COL4A5: variants seen among roughly 807,000 people sequenced by gnomAD.
COL4A5 encodes the protein collagen type IV alpha 5 chain, also known as collagen alpha-5(IV) chain.
In COL4A5, 26 loss-of-function variants were observed where a neutral mutation model predicts 130.2. The ratio of observed to expected loss-of-function variants is 0.20; its 90% CI spans 0.15 to 0.28. COL4A5 has a LOEUF of 0.28. Ranked by LOEUF, COL4A5 falls within the 10% of genes least tolerant of loss-of-function variation. COL4A5 has a pLI of 1.00. For missense variants in COL4A5, 1,131 were observed against 1,344.3 expected (o/e 0.84, Z 2.48); for synonymous variants, 496 against 439.6 (o/e 1.13, Z -1.60).
intron 1 of COL4A5, among the ~76,000 whole-genome samples, chrX:108,488,703 G>C (rs1020455064): frequency 3.6e-5 from 4 of 111,950 alleles, no homozygotes; most frequent in Admixed American, 2.8e-4. Context: ...TTAAGATCCT[G>C]TGATATTTAT....
At chrX:108,625,613 A>G in intron 34 of COL4A5, 92 bp from the exon 35 acceptor site, 3 of 562,924 alleles carry the variant, frequency 5.3e-6, no homozygotes, top group Non-Finnish European at 9.4e-6. Context: ...ATCTAATCCC[A>G]TGTTTGCATT....
At chrX:108,547,877 C>T (rs745403023) in intron 2 of COL4A5, among the ~76,000 whole-genome samples, 4 of 111,881 alleles carry the variant, frequency 3.6e-5, no homozygotes, top group African/African-American at 6.5e-5. Context: ...TAGCAATGAG[C>T]GAGGCTCCGT....
At chrX:108,534,058 A>T (rs73526229) in intron 1 of COL4A5, among the ~76,000 whole-genome samples, 7,953 of 109,709 alleles carry the variant, frequency 0.072, 758 homozygotes, top group African/African-American at 0.25. Context: ...TGGCAAGGAT[A>T]AAAAAAATAA....
At position 108,583,010 on chromosome X, in the gene COL4A5, G is replaced by A. The variant is rs2066275907; in HGVS notation, c.990+73G>A. ...AATCCTTTTCTTCTCCCAGGCTTGA[G>A]TTATAAATGGAAAAAGTCTACATAA... On this transcript the variant is annotated intron_variant, in intron 17 of 52. Transcript: ENST00000328300. 4 of 842,342 alleles carry A rather than the reference G, an allele frequency of 4.7e-6. No homozygotes were observed. The Admixed American group carries it at 8.9e-5, about 19-fold the overall frequency. 69.4% of individuals were successfully genotyped at this position (842,342 alleles called of 1,213,427 possible).
At chrX:108,480,216 T>C (rs2064875501) in intron 1 of COL4A5, among the ~76,000 whole-genome samples, 1 of 112,157 alleles carries the variant, frequency 8.9e-6, no homozygotes, top group African/African-American at 3.2e-5. Context: ...CCACTAGGCG[T>C]TGTGCCTCTT....
chrX:108,546,393 T>G (rs1330386434), intron 2 of COL4A5, among the ~76,000 whole-genome samples: 2 of 111,922 alleles, frequency 1.8e-5, no homozygotes, highest in Non-Finnish European at 3.8e-5. Context: ...GATATGAAAT[T>G]CTGGGTTGAA....
chrX:108,454,187 A>G (rs2064558278), intron 1 of COL4A5, among the ~76,000 whole-genome samples: 1 of 112,457 alleles, frequency 8.9e-6, no homozygotes, highest in South Asian at 3.7e-4. Context: ...CAAAACTTAG[A>G]ATCAATGGGT....
At position 108,640,126 on chromosome X, in the gene COL4A5, G is replaced by T. The variant is rs751574087; in HGVS notation, c.3246+13777G>T. On this transcript the variant is annotated intron_variant, in intron 36 of 52. Transcript: ENST00000328300. ...AGCAACATTATTCACAAGTCACAAG[G>T]TGGAAGCATCCCAAATGTCCATTGA... Among the ~76,000 whole-genome samples, 4 of 112,122 alleles carry T rather than the reference G, an allele frequency of 3.6e-5. No homozygotes were observed. The East Asian group carries it at 1.1e-3, about 31-fold the overall frequency.
At chrX:108,462,094 C>A (rs1034596006) in intron 1 of COL4A5, among the ~76,000 whole-genome samples, 19 of 111,177 alleles carry the variant, frequency 1.7e-4, no homozygotes, top group Non-Finnish European at 9.4e-5. Context: ...CTTAAAAATG[C>A]AACATTAGCT....
Position 108,595,536 on chromosome X carries a change from G to C in COL4A5, c.1451G>C (p.Cys484Ser). 8.3e-7 allele frequency: 1 copy of C among 1,212,013 alleles called. No homozygotes were observed. The highest frequency in any genetic ancestry group is 1.1e-6 in the Non-Finnish European group (1 of 895,497). Residue 484 changes from cysteine to serine, a missense_variant, in exon 22 of 53, where the codon TGC becomes TCC. Cys to Ser is a moderately radical substitution (Grantham distance 112). Coordinates refer to ENST00000328300, the MANE Select transcript of COL4A5 (RefSeq NM_033380.3). ...GACAAAGGTGACACTTGCTTCAACT[G>C]CATTGGAACTGGTATTTCAGGGCCT... is the stretch of plus-strand genomic sequence containing the variant. The part of the protein sequence containing the change: ...KGDKGDTCFN[C>S]IGTGISGPPG...
intron 1 of COL4A5, among the ~76,000 whole-genome samples, chrX:108,511,670 A>C (rs1041578740): frequency 1.8e-5 from 2 of 111,990 alleles, no homozygotes; most frequent in Admixed American, 9.5e-5. Flanking sequence ...TTTATAGTCA[A>C]TTGTTTTTCA....
At chrX:108,687,921 G>T (rs2068579894) in intron 49 of COL4A5, among the ~76,000 whole-genome samples, 2 of 111,800 alleles carry the variant, frequency 1.8e-5, no homozygotes, top group Admixed American at 1.9e-4. Flanking sequence ...TACAATTCTT[G>T]GCCTAAAGCA....
At chrX:108,459,855 A>G (rs1473959957) in intron 1 of COL4A5, among the ~76,000 whole-genome samples, 1 of 112,312 alleles carries the variant, frequency 8.9e-6, no homozygotes, top group Non-Finnish European at 1.9e-5. Context: ...CCATAGTTTT[A>G]ATTTACTATT....
chrX:108,582,408 CA>C (rs2066265831), intron 16 of COL4A5: 1 of 114,376 alleles, frequency 8.7e-6, no homozygotes, highest in South Asian at 3.5e-4. Flanking sequence ...GGCAGCCTTG[CA>C]AATAGCCTTC....
intron 36 of COL4A5, among the ~76,000 whole-genome samples, chrX:108,645,867 G>C (rs1333197350): frequency 9.1e-6 from 1 of 109,666 alleles, no homozygotes; most frequent in East Asian, 2.9e-4. Flanking sequence ...TGCTGAGAAT[G>C]GTAGTCTCCA....
At chrX:108,671,658 T>A (rs774669091) in intron 42 of COL4A5, among the ~76,000 whole-genome samples, 2 of 111,716 alleles carry the variant, frequency 1.8e-5, no homozygotes, top group Non-Finnish European at 3.8e-5. Context: ...GGAAAATTAC[T>A]AAGAGGAGAC....
At chrX:108,612,580 A>G (rs919345325) in intron 29 of COL4A5, among the ~76,000 whole-genome samples, 4 of 111,868 alleles carry the variant, frequency 3.6e-5, no homozygotes, top group Non-Finnish European at 7.6e-5. Context: ...GTGCTTAGGT[A>G]TGCATAGGTC....
intron 23 of COL4A5, 32 bp downstream of exon 23, chrX:108,597,100 A>T (rs1208204941): frequency 9.2e-7 from 1 of 1,089,718 alleles, no homozygotes; most frequent in Non-Finnish European, 1.3e-6. Flanking sequence ...AAACAAAAAG[A>T]AGTAGAAGGA....
At chrX:108,626,755 G>A (rs1433198204) in intron 36 of COL4A5, 3 of 841,712 alleles carry the variant, frequency 3.6e-6, no homozygotes, top group Middle Eastern at 6.0e-4. Flanking sequence ...ATTCTTAACT[G>A]CGTGTCTGAG....
Sources: gnomAD v4.1 joint callset for allele counts (sites outside exome capture counted in the v4.1 genomes callset) on GRCh38, gnomAD v4.1.1 for gene constraint, MANE v1.5 for transcripts, NCBI Gene and HGNC (gene_info 2026-07-23, HGNC 2026-07-21) for gene names.